The following PHACTR1 variants were observed in gnomAD, a reference collection of about 807,000 sequenced individuals.
PHACTR1 encodes the protein RPEL repeat containing 1.
Under a neutral mutation model 69.2 loss-of-function variants are expected in PHACTR1, and 16 were observed. That is an observed-to-expected ratio of 0.23 (90% CI 0.16 to 0.35). The LOEUF is 0.35. PHACTR1 is among the 10% of genes least tolerant of loss of function. The probability of loss-of-function intolerance (pLI) is 1.00; values close to 1 mark genes in which losing one functional copy is unlikely to be tolerated. For missense variants in PHACTR1, 510 were observed against 734.7 expected, an observed-to-expected ratio of 0.69 and a Z score of 3.54; for synonymous variants, 312 against 284.5, an observed-to-expected ratio of 1.10 and a Z score of -0.97.
intron 4 of PHACTR1, among the ~76,000 whole-genome samples, chr6:12,761,104 T>C (rs1171401121): frequency 6.6e-6 from 1 of 152,212 alleles, no homozygotes; most frequent in Non-Finnish European, 1.5e-5. Context: ...CTCTGAAACT[T>C]GTAACGTGTG....
At chr6:12,994,767 A>G (rs1381262141) in intron 4 of PHACTR1, among the ~76,000 whole-genome samples, 1 of 152,194 alleles carries the variant, frequency 6.6e-6, no homozygotes, top group Admixed American at 6.5e-5. Flanking sequence ...GTTAAATACC[A>G]TACGGAATAG....
At chr6:12,910,295 C>T (rs546065859) in intron 4 of PHACTR1, among the ~76,000 whole-genome samples, 85 of 152,124 alleles carry the variant, frequency 5.6e-4, no homozygotes, top group Non-Finnish European at 9.6e-4. Context: ...TAATAATGGC[C>T]CCCCAGGATG....
At position 13,133,026 on chromosome 6, in the gene PHACTR1, A is replaced by G. The variant is rs571373471; in HGVS notation, c.416-27178A>G. Among the ~76,000 whole-genome samples the G allele has an allele frequency of 8.5e-5, 13 of 152,248 alleles. No individual in the cohort carries two copies. The East Asian group carries it at 2.5e-3, about 29-fold the overall frequency. On this transcript the variant is annotated intron_variant, in intron 5 of 14. Transcript: ENST00000332995. ...CTCAAACCCTGCTGCTGCTTTCTCA[A>G]CTAAGTTAATATAATATTCTCAATC...
chr6:12,931,854 C>G (rs550449599), intron 4 of PHACTR1, among the ~76,000 whole-genome samples: 2 of 151,972 alleles, frequency 1.3e-5, no homozygotes, highest in African/African-American at 4.8e-5. Context: ...GGAGGTTCAG[C>G]CAGCTGAGAC....
intron 4 of PHACTR1, among the ~76,000 whole-genome samples, chr6:12,919,439 C>T (rs1312132903): frequency 6.6e-6 from 1 of 152,132 alleles, no homozygotes; most frequent in Non-Finnish European, 1.5e-5. Flanking sequence ...CCGTGCCCGG[C>T]CTATAAAGAC....
chr6:13,249,881 T>C (rs945138200), intron 10 of PHACTR1, among the ~76,000 whole-genome samples: 1 of 152,234 alleles, frequency 6.6e-6, no homozygotes, highest in East Asian at 1.9e-4. Context: ...ATTTCCGTCT[T>C]GTAAGTTATG....
chr6:13,135,095 C>G (rs1006404225), intron 5 of PHACTR1, among the ~76,000 whole-genome samples: 1 of 152,340 alleles, frequency 6.6e-6, no homozygotes, highest in South Asian at 2.1e-4. Flanking sequence ...GCTCACTGCT[C>G]TGACTGCGTT....
chr6:13,147,508 A>G (rs1823589735), intron 5 of PHACTR1, among the ~76,000 whole-genome samples: 1 of 152,198 alleles, frequency 6.6e-6, no homozygotes, highest in Admixed American at 6.5e-5. Context: ...TTCTTCCCCC[A>G]ATACTTCAAG....
At chr6:13,262,211 T>C (rs933121390) in intron 10 of PHACTR1, among the ~76,000 whole-genome samples, 4 of 152,148 alleles carry the variant, frequency 2.6e-5, no homozygotes, top group Non-Finnish European at 5.9e-5. Flanking sequence ...TGGTGGTTGA[T>C]TGGCCATCAA....
intron 7 of PHACTR1, among the ~76,000 whole-genome samples, chr6:13,200,950 AAAAAAAAAG>A (rs1210416201): frequency 2.0e-5 from 3 of 151,950 alleles, no homozygotes; most frequent in African/African-American, 7.2e-5. Context: ...TCTCAAAAAA[AAAAAAAAAG>A]AAAAAAATTA....
intron 12 of PHACTR1, chr6:13,280,589 T>G: frequency 4.2e-6 from 1 of 235,334 alleles, no homozygotes; most frequent in South Asian, 4.5e-5. Context: ...TCAATAAAAT[T>G]CTATTTAACT....
At chr6:13,121,293 G>A (rs1387861294) in intron 5 of PHACTR1, among the ~76,000 whole-genome samples, 1 of 152,158 alleles carries the variant, frequency 6.6e-6, no homozygotes, top group African/African-American at 2.4e-5. Flanking sequence ...AGACTCCAGA[G>A]CCAGGCTGCC....
At chr6:13,278,216 G>A in intron 11 of PHACTR1, 52 bp from the exon 12 acceptor site, 4 of 1,531,134 alleles carry the variant, frequency 2.6e-6, no homozygotes, top group Non-Finnish European at 8.9e-7. Flanking sequence ...GGATGCACCT[G>A]TACACAACAC....
At chr6:12,797,189 G>T (rs1252762874) in intron 4 of PHACTR1, among the ~76,000 whole-genome samples, 1 of 152,124 alleles carries the variant, frequency 6.6e-6, no homozygotes, top group Non-Finnish European at 1.5e-5. Context: ...TTGATAACAT[G>T]AAAACCCCAC....
intron 4 of PHACTR1, among the ~76,000 whole-genome samples, chr6:12,983,201 T>C (rs1479352503): frequency 1.3e-5 from 2 of 152,224 alleles, no homozygotes; most frequent in Admixed American, 6.5e-5. Flanking sequence ...AAAGAAAGCC[T>C]AGTTTCTATT....
At chr6:12,970,524 C>G (rs1429597797) in intron 4 of PHACTR1, among the ~76,000 whole-genome samples, 3 of 152,202 alleles carry the variant, frequency 2.0e-5, no homozygotes, top group Non-Finnish European at 4.4e-5. Context: ...AATCCCAGCA[C>G]GTTGTGAGGC....
intron 4 of PHACTR1, among the ~76,000 whole-genome samples, chr6:12,991,307 C>A (rs1425106741): frequency 6.6e-6 from 1 of 152,148 alleles, no homozygotes; most frequent in Non-Finnish European, 1.5e-5. Context: ...ACCCTGGCAC[C>A]CAAGGGGTGG....
chr6:12,915,417 G>T (rs1786859431), intron 4 of PHACTR1, among the ~76,000 whole-genome samples: 1 of 148,184 alleles, frequency 6.7e-6, no homozygotes, highest in African/African-American at 2.5e-5. Context: ...TGAGGCAGGA[G>T]AATCGCTTGA....
At chr6:13,091,649 T>G (rs1405478967) in intron 5 of PHACTR1, among the ~76,000 whole-genome samples, 1 of 151,320 alleles carries the variant, frequency 6.6e-6, no homozygotes. Flanking sequence ...CTCACCATAA[T>G]GTAGAATCAG....
Sources: gnomAD v4.1 joint callset for allele counts (sites outside exome capture counted in the v4.1 genomes callset) on GRCh38, gnomAD v4.1.1 for gene constraint, MANE v1.5 for transcripts, NCBI Gene and HGNC (gene_info 2026-07-23, HGNC 2026-07-21) for gene names.